Variants in NECTIN3 observed in about 807,000 individuals in gnomAD.
The protein encoded by NECTIN3 is nectin cell adhesion molecule 3, also known as nectin-3.
In NECTIN3, 8 loss-of-function variants were observed where a neutral mutation model predicts 49.4. The ratio of observed to expected loss-of-function variants is 0.16; its 90% CI spans 0.10 to 0.29. The LOEUF (loss-of-function observed/expected upper bound fraction) is 0.29, where lower values mean the gene tolerates loss of function less well. Among genes scored for constraint, NECTIN3 ranks in the 10% least tolerant of loss-of-function variants. The probability of loss-of-function intolerance (pLI) is 1.00; values close to 1 mark genes in which losing one functional copy is unlikely to be tolerated. For synonymous variants in NECTIN3, 277 were observed against 241.1 expected (o/e 1.15, Z -1.38); for missense variants, 581 against 654.6 (o/e 0.89, Z 1.23).
chr3:111,166,745 A>C (rs1282918570), intron 7 of NECTIN3, among the ~76,000 whole-genome samples: 1 of 152,236 alleles, frequency 6.6e-6, no homozygotes, highest in Non-Finnish European at 1.5e-5. Context: ...TTCGCTTGAC[A>C]GTAATGATCG....
intron 7 of NECTIN3, among the ~76,000 whole-genome samples, chr3:111,169,337 G>T (rs546481528): frequency 5.5e-4 from 80 of 145,918 alleles, no homozygotes; most frequent in African/African-American, 1.5e-3. Flanking sequence ...TGATCTGCCC[G>T]TCTCAGCCTC....
intron 4 of NECTIN3, 55 bp downstream of exon 4, chr3:111,122,293 C>A (rs963359422): frequency 7.5e-7 from 1 of 1,328,930 alleles, no homozygotes; most frequent in Non-Finnish European, 1.1e-6. Flanking sequence ...CTTCTTAAAT[C>A]CCCATTCTAA....
Position 111,095,090 on chromosome 3 carries a change from A to AC in NECTIN3, c.161-16938dup, listed in dbSNP as rs576784986. The stretch of plus-strand genomic sequence containing the variant: ...TTCATTCTGGTGCTATTCTCATCAT[A>AC]CCAGAAGAAATTAGTGGAACATAGG... On this transcript the variant is annotated intron_variant, in intron 1 of 5. Coordinates refer to ENST00000485303, the MANE Select transcript of NECTIN3 (RefSeq NM_015480.3). Among the ~76,000 whole-genome samples, 371 of 152,320 alleles carry AC rather than the reference A, an allele frequency of 2.4e-3. 2 individuals are homozygous for AC. Among genetic ancestry groups the AC allele is most frequent in the African/African-American group, 8.4e-3 (349 of 41,568 alleles).
At chr3:111,081,812 TG>T (rs1370842252) in intron 1 of NECTIN3, among the ~76,000 whole-genome samples, 1 of 152,148 alleles carries the variant, frequency 6.6e-6, no homozygotes, top group Admixed American at 6.5e-5. Flanking sequence ...AGTGTTCTCA[TG>T]TGACTCAAGC....
chr3:111,166,916 G>A (rs73854922), intron 7 of NECTIN3, among the ~76,000 whole-genome samples: 4,852 of 151,660 alleles, frequency 0.032, 87 homozygotes, highest in Middle Eastern at 0.058. Context: ...AATAAAGATA[G>A]GTAGGTAGGT....
At chr3:111,162,998 T>C (rs1007781774) in intron 7 of NECTIN3, among the ~76,000 whole-genome samples, 2 of 152,222 alleles carry the variant, frequency 1.3e-5, no homozygotes, top group African/African-American at 4.8e-5. Context: ...CTCTCTCTTA[T>C]GATTCTGAAG....
At chr3:111,143,067 T>C (rs1221613234) in intron 5 of NECTIN3, among the ~76,000 whole-genome samples, 1 of 151,874 alleles carries the variant, frequency 6.6e-6, no homozygotes, top group Non-Finnish European at 1.5e-5. Flanking sequence ...AGTAGGACCA[T>C]CTACTTTATG....
At chr3:111,125,538 C>T (rs546592697) in intron 4 of NECTIN3, among the ~76,000 whole-genome samples, 6 of 152,154 alleles carry the variant, frequency 3.9e-5, no homozygotes, top group Non-Finnish European at 8.8e-5. Context: ...ACCTCTTAGC[C>T]AAATTAGTGT....
rs1576192438 is a variant in NECTIN3 at position 111,193,304 on chromosome 3, C to G, written c.63+891C>G. On this transcript the variant is annotated intron_variant, in intron 1 of 1. Transcript: ENST00000485506. ...TTTACAATCAAATGTGCTACCAAGA[C>G]CGGAGCCCTGGCAAACATCATCAAA... 3.9e-6 allele frequency: 6 copies of G among 1,535,886 alleles called. No individual in the cohort carries two copies. The East Asian group carries it at 1.5e-4, about 38-fold the overall frequency.
chr3:111,134,011 A>T lies in NECTIN3; in HGVS notation c.1446A>T (p.Ile482=), dbSNP rs113712473. 3 of 1,612,784 alleles carry T rather than the reference A, an allele frequency of 1.9e-6. No individual in the cohort carries two copies. In the African/African-American group the frequency reaches 4.0e-5, roughly 22 times the overall value. The part of the protein sequence containing the change: ...KENKNPVNNL[I]RKDYLEEPEK... ...ACAAAAATCCAGTGAACAATCTAAT[A>T]CGTAAAGACTATTTAGAAGAGCCTG... Residue 482 remains isoleucine (I), a synonymous_variant, in exon 6 of 6, where the codon ATA becomes ATT. Transcript: ENST00000485303.
chr3:111,078,719 C>T (rs2031403886), intron 1 of NECTIN3, among the ~76,000 whole-genome samples: 1 of 152,098 alleles, frequency 6.6e-6, no homozygotes, highest in Admixed American at 6.5e-5. Context: ...GATAGTTCTC[C>T]ACTGATTTTT....
chr3:111,166,074 T>C (rs1211197120), intron 7 of NECTIN3, among the ~76,000 whole-genome samples: 2 of 152,152 alleles, frequency 1.3e-5, no homozygotes, highest in Admixed American at 6.6e-5. Flanking sequence ...ATGCCCGAGG[T>C]CTGCTGCAAG....
At chr3:111,073,065 G>C (rs377637012) in intron 1 of NECTIN3, 1 of 150,454 alleles carries the variant, frequency 6.6e-6, no homozygotes, top group South Asian at 2.1e-4. Flanking sequence ...TCATGCAAGA[G>C]AAATGGACTT....
chr3:111,179,649 C>G (rs994704667), intron 7 of NECTIN3, among the ~76,000 whole-genome samples: 15 of 152,238 alleles, frequency 9.9e-5, no homozygotes, highest in African/African-American at 3.6e-4. Flanking sequence ...AATCCCAGCA[C>G]TTTGGGAGGC....
At chr3:111,103,880 G>A (rs2033041971) in intron 1 of NECTIN3, among the ~76,000 whole-genome samples, 1 of 151,970 alleles carries the variant, frequency 6.6e-6, no homozygotes. Flanking sequence ...TCATTGTATG[G>A]GTTTACCACA....
At chr3:111,088,290 T>C (rs758843977) in intron 1 of NECTIN3, among the ~76,000 whole-genome samples, 3 of 152,186 alleles carry the variant, frequency 2.0e-5, no homozygotes, top group Non-Finnish European at 4.4e-5. Context: ...ACAACCCAGC[T>C]GTCCTTTGCC....
At chr3:111,150,200 G>A (rs2034971451) in intron 7 of NECTIN3, among the ~76,000 whole-genome samples, 1 of 151,944 alleles carries the variant, frequency 6.6e-6, no homozygotes, top group Non-Finnish European at 1.5e-5. Context: ...AGTAATTTCA[G>A]TCTAGCAGCA....
chr3:111,150,844 T>C (rs531421428), intron 7 of NECTIN3, among the ~76,000 whole-genome samples: 1 of 152,098 alleles, frequency 6.6e-6, no homozygotes, highest in South Asian at 2.1e-4. Flanking sequence ...AGATACTGTT[T>C]ATATTAACCT....
rs1302606350 is a variant in NECTIN3, at chr3:111,136,137, A to G, written c.*1922A>G. 1 of 983,560 alleles carries G rather than the reference A, an allele frequency of 1.0e-6. No homozygotes were observed. Among genetic ancestry groups the G allele is most frequent in the Non-Finnish European group, 1.2e-6 (1 of 828,544 alleles). The allele number at this position is 983,560 out of a possible 1,614,324, so 60.9% of individuals were successfully genotyped here. A position where few individuals can be genotyped will look rare whatever the true frequency, so the allele number is the denominator to read the frequency against. ...TTCTCCCCATGAAAGATGTAAAACT[A>G]TGGCTTTTTTTAAAATCAAAATTTC... On this transcript the variant is annotated 3_prime_UTR_variant, in exon 6 of 6. Transcript: ENST00000485303.
Sources: gnomAD v4.1 joint callset for allele counts (sites outside exome capture counted in the v4.1 genomes callset) on GRCh38, gnomAD v4.1.1 for gene constraint, MANE v1.5 for transcripts, NCBI Gene and HGNC (gene_info 2026-07-23, HGNC 2026-07-21) for gene names.